SEM1: variants seen among roughly 807,000 people sequenced by gnomAD.
The protein encoded by SEM1 is SEM1 26S proteasome subunit.
A neutral mutation model predicts 12.7 loss-of-function variants in SEM1; 3 were observed. That is an observed-to-expected ratio of 0.24 (90% CI 0.11 to 0.61). The LOEUF is 0.61. Among genes scored for constraint, SEM1 ranks in the 20% least tolerant of loss-of-function variants. The pLI is 0.88. For missense variants in SEM1, 59 were observed against 81.3 expected, an observed-to-expected ratio of 0.73 and a Z score of 1.06; for synonymous variants, 30 against 27.8, an observed-to-expected ratio of 1.08 and a Z score of -0.25.
rs1235187426 is a variant in SEM1 at position 96,580,103 on chromosome 7, A to G, written c.171-73405T>C. On this transcript the variant is annotated intron_variant and NMD_transcript_variant, in intron 2 of 3. Transcript: ENST00000466986. ...CATCTAGCATTAGGTATATCTCCCA[A>G]TGCTATCCCTCCCCCCTCCCCCCAC... Among the ~76,000 whole-genome samples, 337 of 139,072 alleles carry G rather than the reference A, an allele frequency of 2.4e-3. 1 individual carries two copies. Among genetic ancestry groups the G allele is most frequent in the African/African-American group, 8.7e-3 (326 of 37,496 alleles). 91.2% of individuals were successfully genotyped at this position (139,072 alleles called of 152,430 possible).
At chr7:96,709,261 A>G (rs1177507033) in intron 1 of SEM1, among the ~76,000 whole-genome samples, 1 of 152,234 alleles carries the variant, frequency 6.6e-6, no homozygotes, top group Non-Finnish European at 1.5e-5. Context: ...TAACATCCTA[A>G]AAGTTAAGCA....
At chr7:96,522,684 C>T (rs989564655) in intron 2 of SEM1, among the ~76,000 whole-genome samples, 1 of 150,842 alleles carries the variant, frequency 6.6e-6, no homozygotes, top group African/African-American at 2.4e-5. Flanking sequence ...TCGAGACCAG[C>T]CTGACCAACA....
intron 2 of SEM1, among the ~76,000 whole-genome samples, chr7:96,571,711 G>T (rs2115985551): frequency 6.6e-6 from 1 of 152,004 alleles, no homozygotes; most frequent in East Asian, 1.9e-4. Flanking sequence ...TTTTATTGAG[G>T]ATTTTCAAAT....
At chr7:96,582,563 G>T (rs1255157184) in intron 2 of SEM1, among the ~76,000 whole-genome samples, 1 of 152,066 alleles carries the variant, frequency 6.6e-6, no homozygotes, top group Non-Finnish European at 1.5e-5. Context: ...GTTCCTCCTT[G>T]TACCTCTGGT....
chr7:96,597,721 C>T (rs1250052060), intron 2 of SEM1, among the ~76,000 whole-genome samples: 1 of 151,556 alleles, frequency 6.6e-6, no homozygotes, highest in Admixed American at 6.6e-5. Context: ...CATACACATG[C>T]ACACACACAT....
chr7:96,606,934 G>C (rs569305480), intron 2 of SEM1, among the ~76,000 whole-genome samples: 1 of 152,272 alleles, frequency 6.6e-6, no homozygotes, highest in East Asian at 1.9e-4. Context: ...GTACAGAAGA[G>C]CTTTGTGGAA....
At chr7:96,573,240 A>C (rs1406732515) in intron 2 of SEM1, among the ~76,000 whole-genome samples, 2 of 151,682 alleles carry the variant, frequency 1.3e-5, no homozygotes, top group African/African-American at 4.8e-5. Flanking sequence ...ACTCTATCCC[A>C]TTTGCCAGTC....
At chr7:96,687,918 G>A (rs1789810938), downstream of SEM1, 1 of 152,048 alleles carries the variant, frequency 6.6e-6, no homozygotes, top group Non-Finnish European at 1.5e-5. Context: ...GTTTATGCTT[G>A]TCTTAAAAAC....
chr7:96,608,719 C>T (rs1481829552), intron 2 of SEM1, among the ~76,000 whole-genome samples: 1 of 152,180 alleles, frequency 6.6e-6, no homozygotes, highest in Non-Finnish European at 1.5e-5. Context: ...TTAATGTTTA[C>T]AAGGTTCATC....
intron 2 of SEM1, chr7:96,622,785 C>A (rs1192061878): frequency 1.7e-6 from 1 of 605,754 alleles, no homozygotes; most frequent in African/African-American, 1.8e-5. Context: ...GTAATGCATG[C>A]AACTGTCTAG....
At chr7:96,665,357 T>C (rs1324073666) in intron 2 of SEM1, among the ~76,000 whole-genome samples, 1 of 152,196 alleles carries the variant, frequency 6.6e-6, no homozygotes, top group African/African-American at 2.4e-5. Context: ...AGATGATCTA[T>C]TTTGAAGGTA....
At chr7:96,583,977 G>A (rs537998729) in intron 2 of SEM1, among the ~76,000 whole-genome samples, 1 of 151,896 alleles carries the variant, frequency 6.6e-6, no homozygotes, top group African/African-American at 2.4e-5. Flanking sequence ...TACATTTAAA[G>A]TTAATATTGT....
intron 2 of SEM1, among the ~76,000 whole-genome samples, chr7:96,585,634 G>T (rs542158983): frequency 1.0e-3 from 152 of 152,366 alleles, no homozygotes; most frequent in African/African-American, 3.4e-3. Flanking sequence ...ATGGGCTTAG[G>T]ACCCTCCGAG....
At chr7:96,563,390 A>G (rs1300939917) in intron 2 of SEM1, among the ~76,000 whole-genome samples, 1 of 152,124 alleles carries the variant, frequency 6.6e-6, no homozygotes, top group Non-Finnish European at 1.5e-5. Flanking sequence ...GTAACCTAGG[A>G]AAATGGTCAT....
At chr7:96,570,493 G>A (rs1157774040) in intron 2 of SEM1, among the ~76,000 whole-genome samples, 1 of 152,022 alleles carries the variant, frequency 6.6e-6, no homozygotes, top group Non-Finnish European at 1.5e-5. Context: ...ATGGCTTCCA[G>A]CTTCATTCAT....
intron 2 of SEM1, among the ~76,000 whole-genome samples, chr7:96,623,700 CTCA>C (rs1196829524): frequency 4.6e-5 from 7 of 151,688 alleles, no homozygotes; most frequent in African/African-American, 1.7e-4. Context: ...GTGATGCATA[CTCA>C]ATCATTGAAA....
chr7:96,604,149 G>A (rs1238937091), intron 2 of SEM1, among the ~76,000 whole-genome samples: 2 of 152,114 alleles, frequency 1.3e-5, no homozygotes, highest in Non-Finnish European at 2.9e-5. Context: ...AAGGCCAGTG[G>A]GACCAGAATC....
chr7:96,700,803 C>G (rs1251506020), intron 1 of SEM1, among the ~76,000 whole-genome samples: 1 of 152,090 alleles, frequency 6.6e-6, no homozygotes, highest in Non-Finnish European at 1.5e-5. Flanking sequence ...TATCCTGGTT[C>G]ACACCTCTCA....
intron 2 of SEM1, among the ~76,000 whole-genome samples, chr7:96,614,601 C>T (rs1807645353): frequency 1.3e-5 from 2 of 152,318 alleles, no homozygotes; most frequent in African/African-American, 2.4e-5. Context: ...ATTCAGCCTT[C>T]GTTTCTTGAA....
Sources: gnomAD v4.1 joint callset for allele counts (sites outside exome capture counted in the v4.1 genomes callset) on GRCh38, gnomAD v4.1.1 for gene constraint, MANE v1.5 for transcripts, NCBI Gene and HGNC (gene_info 2026-07-23, HGNC 2026-07-21) for gene names.